The following MILR1 variants were observed in gnomAD, a reference collection of about 807,000 sequenced individuals.
The protein encoded by MILR1 is allergin-1.
MILR1 carries 31 observed loss-of-function variants against 18.5 expected under a neutral mutation model. The observed-to-expected ratio is 1.68, with a 90% CI of 1.26 to 2.26. MILR1 has a LOEUF of 2.26. MILR1 is among the 30% of genes most tolerant of loss of function. MILR1 has a pLI of 0.00. For synonymous variants in MILR1, 85 were observed against 56.2 expected, an observed-to-expected ratio of 1.51 and a Z score of -2.30; for missense variants, 257 against 157.4, an observed-to-expected ratio of 1.63 and a Z score of -3.38.
chr17:64,482,249 A>G, the MILR1 span, among the ~76,000 whole-genome samples: 1 of 151,422 alleles, frequency 6.6e-6, no homozygotes, highest in Admixed American at 6.6e-5. Context: ...AATTACAGGC[A>G]CATACCATTA....
chr17:64,496,566 G>A, the MILR1 span: 1 of 1,613,424 alleles, frequency 6.2e-7, no homozygotes, highest in East Asian at 2.2e-5. Context: ...AAAGGGCCTG[G>A]TTTGTGGTGG....
At chr17:64,479,526 A>G in the MILR1 span, among the ~76,000 whole-genome samples, 1 of 152,170 alleles carries the variant, frequency 6.6e-6, no homozygotes, top group Non-Finnish European at 1.5e-5. Flanking sequence ...ACTGAAGATC[A>G]AAACACAATG....
chr17:64,451,364 C>A (rs2037167513), intron 2 of MILR1, among the ~76,000 whole-genome samples: 1 of 151,798 alleles, frequency 6.6e-6, no homozygotes, highest in Non-Finnish European at 1.5e-5. Flanking sequence ...TGGTCTCGAA[C>A]TCCTGGACTC....
In MILR1 at chr17:64,457,381, T is replaced by C; in HGVS notation, c.368-19T>C. 2.1e-6 allele frequency: 1 copy of C among 473,886 alleles called. No homozygotes were observed. Among genetic ancestry groups the C allele is most frequent in the Non-Finnish European group, 3.9e-6 (1 of 258,548 alleles). The allele number at this position is 473,886 out of a possible 1,614,324, so 29.4% of individuals were successfully genotyped here. A position where few individuals can be genotyped will look rare whatever the true frequency, so the allele number is the denominator to read the frequency against. On this transcript the variant is annotated intron_variant, in intron 3 of 9. Transcript: ENST00000619286. ...ACCCAGTCTGTTTATCCTTTTCATG[T>C]TCACTTTCATTCTTCCAGACCCGGT...
At chr17:64,491,428 C>G in the MILR1 span, 202 of 769,602 alleles carry the variant, frequency 2.6e-4, 3 homozygotes, top group South Asian at 3.2e-3. Flanking sequence ...GACTTCATCT[C>G]TACAAATAAT....
the MILR1 span, among the ~76,000 whole-genome samples, chr17:64,489,361 T>TA: frequency 3.5e-3 from 480 of 135,300 alleles, 5 homozygotes; most frequent in Admixed American, 0.013. Context: ...TGTTTTTTTT[T>TA]AAAAAAAAAA....
Position 64,466,450 on chromosome 17 carries a change from T to A in MILR1, c.862T>A (p.Ser288Thr), listed in dbSNP as rs142027084. The change falls in exon 7 of 10, where the codon TCT becomes ACT. Residue 288 changes from serine to threonine, a missense_variant. Physicochemically the swap from Ser to Thr is moderately conservative, Grantham distance 58. Transcript: ENST00000619286. ...NILEKQAKEE[S>T]VPEVGSRPCV... ...TCATTCTCATTTTACAGAGGAGGAA[T>A]CTGTGCCAGAAGTGGGATCCAGGCC... 1.4e-4 allele frequency: 227 copies of A among 1,613,574 alleles called. No homozygotes were observed. The highest frequency in any genetic ancestry group is 1.8e-4 in the Non-Finnish European group (217 of 1,179,702).
intron 2 of MILR1, among the ~76,000 whole-genome samples, chr17:64,449,629 G>A (rs904691163): frequency 6.6e-6 from 1 of 152,062 alleles, no homozygotes; most frequent in Non-Finnish European, 1.5e-5. Context: ...TGGTTGTTGT[G>A]TTTTAACTAG....
At chr17:64,455,718 C>T (rs983716049) in intron 3 of MILR1, among the ~76,000 whole-genome samples, 1 of 151,540 alleles carries the variant, frequency 6.6e-6, no homozygotes, top group Non-Finnish European at 1.5e-5. Context: ...CCTCGGCCTC[C>T]CAAAGTGCTC....
chr17:64,492,652 T>A, the MILR1 span: 1 of 1,465,084 alleles, frequency 6.8e-7, no homozygotes, highest in Non-Finnish European at 9.5e-7. Flanking sequence ...AAATTAAAGG[T>A]AATTATTGCA....
rs1292427777 is a variant in MILR1 at position 64,452,769 on chromosome 17, A to G, written c.270A>G (p.Leu90=). 2 of 475,220 alleles carry G rather than the reference A, an allele frequency of 4.2e-6. No homozygotes were observed. The highest frequency in any genetic ancestry group is 7.7e-6 in the Non-Finnish European group (2 of 259,044). 29.4% of individuals were successfully genotyped at this position (475,220 alleles called of 1,614,324 possible). A position where few individuals can be genotyped will look rare whatever the true frequency, so the allele number is the denominator to read the frequency against. Residue 90 remains leucine (L), a synonymous_variant, in exon 3 of 10, where the codon CTA becomes CTG. Transcript: ENST00000619286. Reference sequence around the variant, plus strand: ...AAGGTGAACCTGCGATTTTTAACCTAAGCATCACAGAAGCCCATGAATCAG... The same window carrying G: ...AAGGTGAACCTGCGATTTTTAACCTGAGCATCACAGAAGCCCATGAATCAG... ...DGKGEPAIFN[L]SITEAHESGP...
intron 5 of MILR1, among the ~76,000 whole-genome samples, chr17:64,462,487 G>C (rs1430491107): frequency 1.3e-5 from 2 of 152,128 alleles, no homozygotes; most frequent in Non-Finnish European, 2.9e-5. Context: ...CGTAGGGGAG[G>C]TTCAGTGCAT....
chr17:64,456,632 G>A (rs1191112515), intron 3 of MILR1, among the ~76,000 whole-genome samples: 2 of 152,054 alleles, frequency 1.3e-5, no homozygotes, highest in South Asian at 2.1e-4. Context: ...GCAACATAGT[G>A]AGACTCTGTC....
chr17:64,451,590 C>T (rs2037171151), intron 2 of MILR1, among the ~76,000 whole-genome samples: 1 of 151,924 alleles, frequency 6.6e-6, no homozygotes, highest in Non-Finnish European at 1.5e-5. Context: ...ATAAAAAAAA[C>T]TTAGGGATGG....
At chr17:64,451,141 T>A (rs945348192) in intron 2 of MILR1, among the ~76,000 whole-genome samples, 1 of 152,030 alleles carries the variant, frequency 6.6e-6, no homozygotes, top group South Asian at 2.1e-4. Context: ...TTTAGGGTTT[T>A]TTTTTTTCTT....
chr17:64,459,497 A>G (rs2037376303), intron 4 of MILR1, among the ~76,000 whole-genome samples: 1 of 152,190 alleles, frequency 6.6e-6, no homozygotes, highest in Non-Finnish European at 1.5e-5. Flanking sequence ...CACAAGGCAC[A>G]CTTGGACATT....
chr17:64,473,786 G>A, the MILR1 span, among the ~76,000 whole-genome samples: 2 of 152,112 alleles, frequency 1.3e-5, no homozygotes, highest in Admixed American at 6.6e-5. Context: ...TACAATCCAG[G>A]TGTGCAGTTC....
At chr17:64,477,892 C>T in the MILR1 span, 5 of 1,613,356 alleles carry the variant, frequency 3.1e-6, no homozygotes, top group East Asian at 1.1e-4. Context: ...GCATCATTTC[C>T]TTCATTGTGG....
chr17:64,464,116 ATTTTT>A (rs1182677616), intron 5 of MILR1, among the ~76,000 whole-genome samples: 1 of 100,856 alleles, frequency 9.9e-6, no homozygotes, highest in African/African-American at 4.0e-5. Flanking sequence ...CGCGCCTGAC[ATTTTT>A]TTTTTTTTTT....
Sources: gnomAD v4.1 joint callset for allele counts (sites outside exome capture counted in the v4.1 genomes callset) on GRCh38, gnomAD v4.1.1 for gene constraint, MANE v1.5 for transcripts, NCBI Gene and HGNC (gene_info 2026-07-23, HGNC 2026-07-21) for gene names.